The following DNAH7 variants were observed in gnomAD, a reference collection of about 807,000 sequenced individuals.
DNAH7 encodes dynein axonemal heavy chain 7, also known as axonemal beta dynein heavy chain 7.
DNAH7 carries 397 observed loss-of-function variants against 444.6 expected under a neutral mutation model. The observed-to-expected ratio is 0.89, with a 90% confidence interval of 0.82 to 0.97. The LOEUF is 0.97. Ranked by LOEUF, DNAH7 falls within the 50% of genes least tolerant of loss-of-function variation. The pLI is 0.00. For missense variants in DNAH7, 4,902 were observed against 4,800.8 expected (o/e 1.02, Z -0.62); for synonymous variants, 1,636 against 1,624.4 (o/e 1.01, Z -0.17).
At chr2:195,881,467 A>G (rs530232175) in intron 36 of DNAH7, among the ~76,000 whole-genome samples, 2 of 152,356 alleles carry the variant, frequency 1.3e-5, no homozygotes, top group East Asian at 1.9e-4. Flanking sequence ...GAAAATATCA[A>G]GTGTAACTAA....
At chr2:196,058,464 C>G (rs1001204691) in intron 1 of DNAH7, among the ~76,000 whole-genome samples, 1 of 152,178 alleles carries the variant, frequency 6.6e-6, no homozygotes, top group Non-Finnish European at 1.5e-5. Context: ...CCCCATGTGT[C>G]TCTCCACGTG....
intron 5 of DNAH7, among the ~76,000 whole-genome samples, chr2:196,035,381 G>A (rs1696321719): frequency 6.6e-6 from 1 of 152,188 alleles, no homozygotes. Flanking sequence ...ACCTTCTAGT[G>A]TATGAAGTCT....
chr2:195,806,220 T>A (rs1489864122), intron 54 of DNAH7, among the ~76,000 whole-genome samples: 2 of 152,204 alleles, frequency 1.3e-5, no homozygotes, highest in African/African-American at 4.8e-5. Context: ...TTTGCTAATA[T>A]AACAGGTCTG....
At chr2:195,817,104 T>G (rs1697260206) in intron 50 of DNAH7, 141 bp from the exon 51 acceptor site, 2 of 623,150 alleles carry the variant, frequency 3.2e-6, no homozygotes, top group Admixed American at 6.9e-5. Context: ...TGGTGATGCC[T>G]TATAATTAAT....
chr2:195,743,625 T>C (rs1211455247), intron 63 of DNAH7, among the ~76,000 whole-genome samples: 2 of 152,216 alleles, frequency 1.3e-5, no homozygotes, highest in African/African-American at 4.8e-5. Flanking sequence ...AGGTGGGATC[T>C]ATGTCCCTCC....
At chr2:195,915,084 G>C (rs1687590544) in intron 24 of DNAH7, among the ~76,000 whole-genome samples, 1 of 152,160 alleles carries the variant, frequency 6.6e-6, no homozygotes, top group Non-Finnish European at 1.5e-5. Flanking sequence ...AGTTGGTGCT[G>C]GGGAGAGAGA....
chr2:195,765,571 T>C (rs1471351268), intron 61 of DNAH7, among the ~76,000 whole-genome samples: 1 of 152,108 alleles, frequency 6.6e-6, no homozygotes, highest in Non-Finnish European at 1.5e-5. Context: ...GCAAAAGATC[T>C]GAATAGACAT....
chr2:195,980,061 C>CAAAAAAAAA (rs59664135), intron 15 of DNAH7, among the ~76,000 whole-genome samples: 36 of 75,026 alleles, frequency 4.8e-4, no homozygotes, highest in South Asian at 6.5e-4. Context: ...CAAACTAATA[C>CAAAAAAAAA]AAAAAAAAAA....
intron 47 of DNAH7, among the ~76,000 whole-genome samples, chr2:195,838,118 T>C (rs576833551): frequency 2.0e-5 from 3 of 152,024 alleles, no homozygotes; most frequent in Admixed American, 6.5e-5. Context: ...TGCCGAGGAG[T>C]AGATTCAAAC....
chr2:196,068,727 C>G lies in DNAH7; in HGVS notation c.-16G>C. 6.4e-7 allele frequency: 1 copy of G among 1,551,044 alleles called. No homozygotes were observed. The highest frequency in any genetic ancestry group is 8.7e-7 in the Non-Finnish European group (1 of 1,147,294). ...CACTGCTCATGGCTGCGAGGACGCG[C>G]TGGCCTCACCGGTGCTTCTGGGTTG... is the stretch of plus-strand genomic sequence containing the variant. On this transcript the variant is annotated 5_prime_UTR_variant, in exon 1 of 65. Transcript: ENST00000312428.
chr2:195,930,015 C>A (rs1688585250), intron 21 of DNAH7, among the ~76,000 whole-genome samples: 1 of 152,134 alleles, frequency 6.6e-6, no homozygotes, highest in African/African-American at 2.4e-5. Context: ...GGAACTTAAA[C>A]AATTGAACAA....
chr2:196,029,779 C>T (rs1488602079), intron 5 of DNAH7, among the ~76,000 whole-genome samples: 7 of 152,046 alleles, frequency 4.6e-5, no homozygotes, highest in African/African-American at 1.2e-4. Flanking sequence ...AGAAATAAAA[C>T]GATCAATAGA....
chr2:195,775,628 G>T (rs1316097802), intron 60 of DNAH7, among the ~76,000 whole-genome samples: 2 of 143,570 alleles, frequency 1.4e-5, no homozygotes, highest in Admixed American at 7.0e-5. Flanking sequence ...ATATATCTGG[G>T]TTCCCAAAAA....
At chr2:195,866,992 C>CA (rs1700380368) in intron 40 of DNAH7, among the ~76,000 whole-genome samples, 1 of 152,208 alleles carries the variant, frequency 6.6e-6, no homozygotes, top group South Asian at 2.1e-4. Context: ...AGATGCCTTT[C>CA]ACCTTCCACC....
rs766866052 is a variant in DNAH7, at chr2:195,775,910, T to C, written c.11138A>G (p.Asn3713Ser). 11 of 1,614,086 alleles carry C rather than the reference T, an allele frequency of 6.8e-6. No individual in the cohort carries two copies. In the East Asian group the frequency reaches 1.1e-4, roughly 16 times the overall value. Residue 3713 changes from asparagine (N) to serine (S), a missense_variant, in exon 60 of 65, where the codon AAT becomes AGT. Asn to Ser is a conservative substitution (Grantham distance 46). Transcript: ENST00000312428. ...PAPEIFGMNA[N>S]ADITKDQSET... ...TGACTGATCCTTAGTGATATCTGCA[T>C]TGGCATTCATCCCAAAGATTTCTGG...
At chr2:195,893,410 T>C (rs1702130929) in intron 30 of DNAH7, 1 of 152,220 alleles carries the variant, frequency 6.6e-6, no homozygotes, top group African/African-American at 2.4e-5. Flanking sequence ...AATTTTTGTA[T>C]TTTTAGTAGA....
intron 12 of DNAH7, chr2:195,999,333 C>G: frequency 1.5e-6 from 1 of 653,318 alleles, no homozygotes; most frequent in South Asian, 1.8e-5. Flanking sequence ...TTCGCACAAC[C>G]AGTATTGTCT....
chr2:196,008,217 T>A (rs930111908), intron 10 of DNAH7, among the ~76,000 whole-genome samples: 2 of 151,578 alleles, frequency 1.3e-5, no homozygotes, highest in Admixed American at 6.6e-5. Flanking sequence ...GAAATGCAAA[T>A]CAAAATCATA....
chr2:195,770,540 T>C (rs1376077740), intron 61 of DNAH7, among the ~76,000 whole-genome samples: 1 of 152,046 alleles, frequency 6.6e-6, no homozygotes, highest in Non-Finnish European at 1.5e-5. Flanking sequence ...ACCCTCTGCC[T>C]GAAATACTCT....
Sources: gnomAD v4.1 joint callset for allele counts (sites outside exome capture counted in the v4.1 genomes callset) on GRCh38, gnomAD v4.1.1 for gene constraint, MANE v1.5 for transcripts, NCBI Gene and HGNC (gene_info 2026-07-23, HGNC 2026-07-21) for gene names.